The following COMMD10 variants were observed in gnomAD, a reference collection of about 807,000 sequenced individuals.
COMMD10 encodes the protein COMM domain-containing protein 10.
Under a neutral mutation model 28.9 loss-of-function variants are expected in COMMD10, and 33 were observed. That is an observed-to-expected ratio of 1.14 (90% CI 0.87 to 1.53). The LOEUF is 1.53. Among genes scored for constraint, COMMD10 ranks in the 40% most tolerant of loss-of-function variants. The pLI is 0.00. For synonymous variants in COMMD10, 110 were observed against 81.7 expected (o/e 1.35, Z -1.87); for missense variants, 310 against 233.4 (o/e 1.33, Z -2.14).
intron 5 of COMMD10, among the ~76,000 whole-genome samples, chr5:116,192,679 A>T (rs926630081): frequency 1.3e-5 from 2 of 152,214 alleles, no homozygotes; most frequent in Non-Finnish European, 2.9e-5. Flanking sequence ...GTTAAACAAC[A>T]AACCTAAGAA....
chr5:116,262,783 A>G (rs1160948322), intron 5 of COMMD10, among the ~76,000 whole-genome samples: 2 of 151,806 alleles, frequency 1.3e-5, no homozygotes, highest in African/African-American at 4.9e-5. Context: ...CTGAGGTACC[A>G]GTTAGGTCCA....
At chr5:116,146,192 G>C (rs112501434) in intron 5 of COMMD10, among the ~76,000 whole-genome samples, 134 of 151,966 alleles carry the variant, frequency 8.8e-4, no homozygotes, top group African/African-American at 3.0e-3. Flanking sequence ...TTGGAAACAA[G>C]TGGTCTAATT....
Position 116,123,522 on chromosome 5 carries a change from A to G in COMMD10, c.400-10546A>G, listed in dbSNP as rs189214819. 3.9e-5 allele frequency among the ~76,000 whole-genome samples: 6 copies of G among 152,200 alleles called. No homozygotes were observed. The East Asian group carries it at 5.8e-4, about 15-fold the overall frequency. ...CAATGTTCATCAGGGATATTGGTCT[A>G]AAGTTCTCTTTTTTTGTCGTGTCTC... On this transcript the variant is annotated intron_variant, in intron 4 of 6. Transcript: ENST00000274458.
chr5:116,109,081 A>G (rs1750951380), intron 4 of COMMD10, among the ~76,000 whole-genome samples: 1 of 152,154 alleles, frequency 6.6e-6, no homozygotes. Context: ...GGAAGTGCAG[A>G]AATCACCTGC....
At chr5:116,091,230 A>C in intron 3 of COMMD10, 41 bp downstream of exon 3, 1 of 1,097,546 alleles carries the variant, frequency 9.1e-7, no homozygotes, top group Non-Finnish European at 1.4e-6. Flanking sequence ...TGATTTGTTT[A>C]CTACATATTT....
At chr5:116,189,419 C>G (rs1190132583) in intron 5 of COMMD10, among the ~76,000 whole-genome samples, 12 of 152,154 alleles carry the variant, frequency 7.9e-5, no homozygotes, top group Non-Finnish European at 1.3e-4. Flanking sequence ...GCTTCCTAGG[C>G]TGTCTTTTTT....
At chr5:116,191,581 C>G (rs1165809755) in intron 5 of COMMD10, among the ~76,000 whole-genome samples, 1 of 151,908 alleles carries the variant, frequency 6.6e-6, no homozygotes, top group South Asian at 2.1e-4. Flanking sequence ...CTCCTAGGTA[C>G]ACAGCTCTAG....
chr5:116,169,785 G>A (rs62384185), intron 5 of COMMD10, among the ~76,000 whole-genome samples: 47,392 of 151,910 alleles, frequency 0.31, 10,365 homozygotes, highest in African/African-American at 0.63. Flanking sequence ...ATAAAATTCA[G>A]CACCTCTTCA....
At chr5:116,109,697 T>G (rs933966186) in intron 4 of COMMD10, among the ~76,000 whole-genome samples, 2 of 152,218 alleles carry the variant, frequency 1.3e-5, no homozygotes, top group Non-Finnish European at 2.9e-5. Context: ...GTTACTGGTG[T>G]AAGAAATGCT....
intron 5 of COMMD10, among the ~76,000 whole-genome samples, chr5:116,235,470 C>T (rs571245959): frequency 2.0e-5 from 3 of 152,276 alleles, no homozygotes; most frequent in Admixed American, 2.0e-4. Context: ...ACTTAGCTCT[C>T]ACCTCTTCAT....
chr5:116,134,004 C>CT (rs1751944746), intron 4 of COMMD10, 64 bp from the exon 5 acceptor site: 1 of 957,504 alleles, frequency 1.0e-6, no homozygotes. Flanking sequence ...TGGAGATTTG[C>CT]TTAAAGTTGA....
chr5:116,151,157 A>G (rs1017587782), intron 5 of COMMD10, among the ~76,000 whole-genome samples: 3 of 152,028 alleles, frequency 2.0e-5, no homozygotes, highest in Non-Finnish European at 4.4e-5. Context: ...ATGCTGGATT[A>G]CATTTATTGA....
chr5:116,138,926 G>C (rs920297690), intron 5 of COMMD10, among the ~76,000 whole-genome samples: 5 of 151,562 alleles, frequency 3.3e-5, no homozygotes, highest in Non-Finnish European at 5.9e-5. Context: ...TCTCTTCCAG[G>C]CATGATTTCT....
At chr5:116,291,319 G>C (rs1287216085) in intron 5 of COMMD10, among the ~76,000 whole-genome samples, 198 bp from the exon 6 acceptor site, 1 of 152,162 alleles carries the variant, frequency 6.6e-6, no homozygotes, top group Non-Finnish European at 1.5e-5. Flanking sequence ...GATGTCTGTA[G>C]AATTGAAACC....
intron 5 of COMMD10, among the ~76,000 whole-genome samples, chr5:116,278,182 A>G (rs1421438670): frequency 6.6e-6 from 1 of 151,806 alleles, no homozygotes; most frequent in Non-Finnish European, 1.5e-5. Context: ...ACCATTACCT[A>G]TAGTATTGAG....
intron 5 of COMMD10, among the ~76,000 whole-genome samples, chr5:116,216,634 A>G (rs1272174259): frequency 6.6e-6 from 1 of 152,122 alleles, no homozygotes; most frequent in Admixed American, 6.5e-5. Context: ...CGGAGGTTCA[A>G]GCAGTTCCCC....
chr5:116,163,096 G>A (rs907275673), intron 5 of COMMD10, among the ~76,000 whole-genome samples: 2 of 151,844 alleles, frequency 1.3e-5, no homozygotes, highest in Non-Finnish European at 2.9e-5. Context: ...TAAGCTAAAG[G>A]AAATACTAAT....
intron 5 of COMMD10, among the ~76,000 whole-genome samples, chr5:116,155,246 A>G (rs1268001404): frequency 1.3e-5 from 2 of 152,130 alleles, no homozygotes; most frequent in Non-Finnish European, 2.9e-5. Context: ...TTATAGTTGA[A>G]TTAATACAAG....
At chr5:116,195,464 C>T (rs59543587) in intron 5 of COMMD10, among the ~76,000 whole-genome samples, 16,773 of 152,008 alleles carry the variant, frequency 0.11, 1,331 homozygotes, top group African/African-American at 0.22. Context: ...GCAAAGTTTC[C>T]GGATACAAGA....
Sources: gnomAD v4.1 joint callset for allele counts (sites outside exome capture counted in the v4.1 genomes callset) on GRCh38, gnomAD v4.1.1 for gene constraint, MANE v1.5 for transcripts, NCBI Gene and HGNC (gene_info 2026-07-23, HGNC 2026-07-21) for gene names.